The following KLHL2 variants were observed in gnomAD, a reference collection of about 807,000 sequenced individuals.
KLHL2 encodes kelch like family member 2, also known as kelch-like protein 2.
Under a neutral mutation model 75.8 loss-of-function variants are expected in KLHL2, and 15 were observed. The observed-to-expected ratio is 0.20, with a 90% CI of 0.13 to 0.30. The LOEUF is 0.30. Among genes scored for constraint, KLHL2 ranks in the 10% least tolerant of loss-of-function variants. The pLI is 1.00. For synonymous variants in KLHL2, 214 were observed against 251.9 expected, an observed-to-expected ratio of 0.85 and a Z score of 1.42; for missense variants, 381 against 741.0, an observed-to-expected ratio of 0.51 and a Z score of 5.64.
chr4:165,277,645 C>A (rs1579100907), intron 5 of KLHL2, among the ~76,000 whole-genome samples: 1 of 152,222 alleles, frequency 6.6e-6, no homozygotes, highest in Middle Eastern at 3.4e-3. Context: ...TGGTGAGGAT[C>A]TGAATTCTTC....
At chr4:165,276,255 C>A (rs1176500912) in intron 5 of KLHL2, among the ~76,000 whole-genome samples, 12 of 152,194 alleles carry the variant, frequency 7.9e-5, no homozygotes, top group African/African-American at 2.9e-4. Flanking sequence ...CTACTTTACC[C>A]AGGCCTGTTC....
intron 5 of KLHL2, chr4:165,278,521 G>T: frequency 1.2e-6 from 2 of 1,607,924 alleles, no homozygotes; most frequent in Non-Finnish European, 8.5e-7. Flanking sequence ...TCCCTCTTGC[G>T]CTGGGCTCCC....
intron 1 of KLHL2, 74 bp from the exon 2 acceptor site, chr4:165,219,860 G>A (rs1267887692): frequency 1.4e-6 from 2 of 1,423,830 alleles, no homozygotes; most frequent in East Asian, 2.4e-5. Flanking sequence ...TGTCTCTCTT[G>A]TAGCTTGATA....
intron 5 of KLHL2, among the ~76,000 whole-genome samples, chr4:165,267,446 G>T (rs1198252024): frequency 1.3e-5 from 2 of 152,022 alleles, no homozygotes; most frequent in Non-Finnish European, 2.9e-5. Flanking sequence ...TTGGCTGTGG[G>T]TTTGTCATAA....
chr4:165,230,053 T>C (rs1738759367), intron 3 of KLHL2, among the ~76,000 whole-genome samples: 1 of 152,248 alleles, frequency 6.6e-6, no homozygotes, highest in African/African-American at 2.4e-5. Context: ...AGCTGAGAGC[T>C]GAGGTTGATC....
At chr4:165,231,710 G>A (rs1425005225) in intron 3 of KLHL2, among the ~76,000 whole-genome samples, 5 of 152,108 alleles carry the variant, frequency 3.3e-5, no homozygotes, top group Non-Finnish European at 5.9e-5. Context: ...GAATAATACT[G>A]CTATGAATAT....
At chr4:165,303,493 T>TTCCCCC (rs1335606508) in intron 8 of KLHL2, among the ~76,000 whole-genome samples, 3 of 95,902 alleles carry the variant, frequency 3.1e-5, no homozygotes, top group African/African-American at 7.7e-5. Context: ...TTTACAACCT[T>TTCCCCC]GCCCCCCCCG....
intron 10 of KLHL2, among the ~76,000 whole-genome samples, chr4:165,311,079 A>C (rs192450329): frequency 1.3e-5 from 2 of 151,972 alleles, no homozygotes; most frequent in Non-Finnish European, 2.9e-5. Context: ...GGATGGTCTC[A>C]ATCTCCTGAC....
chr4:165,262,197 G>C (rs1741740483), intron 4 of KLHL2, among the ~76,000 whole-genome samples: 1 of 152,152 alleles, frequency 6.6e-6, no homozygotes, highest in Non-Finnish European at 1.5e-5. Context: ...CAATCCCACA[G>C]AATAACCTAT....
rs1363002880 is a variant in KLHL2 at position 165,264,718 on chromosome 4, ATACATATATATATATATATATG to A, written c.544+1362_544+1383del. On this transcript the variant is annotated intron_variant, in intron 5 of 14. Transcript: ENST00000226725. ...TGTGTGTGTGTGTATATATATATAT[ATACATATATATATATATATATG>A]TATATATATATATATATATATATAT... Among the ~76,000 whole-genome samples the A allele has an allele frequency of 9.4e-3, 748 of 79,676 alleles. 9 individuals carry two copies. The highest frequency in any genetic ancestry group is 0.015 in the South Asian group (33 of 2,202). 52.3% of individuals were successfully genotyped at this position (79,676 alleles called of 152,430 possible).
intron 3 of KLHL2, among the ~76,000 whole-genome samples, chr4:165,238,522 G>A (rs988738020): frequency 5.3e-5 from 8 of 152,202 alleles, no homozygotes; most frequent in Non-Finnish European, 8.8e-5. Flanking sequence ...AATAGTTCAT[G>A]CAGCTGGACA....
At chr4:165,291,756 G>C (rs548579034) in intron 5 of KLHL2, among the ~76,000 whole-genome samples, 1 of 151,992 alleles carries the variant, frequency 6.6e-6, no homozygotes, top group African/African-American at 2.4e-5. Context: ...AAATCCGTGG[G>C]TTCTCCAGTC....
At chr4:165,305,173 C>T (rs1183166761) in intron 8 of KLHL2, among the ~76,000 whole-genome samples, 2 of 151,828 alleles carry the variant, frequency 1.3e-5, no homozygotes, top group African/African-American at 2.4e-5. Context: ...ACTTACTGTC[C>T]GTTTCACTTC....
At chr4:165,266,674 T>C (rs1742266825) in intron 5 of KLHL2, among the ~76,000 whole-genome samples, 1 of 152,154 alleles carries the variant, frequency 6.6e-6, no homozygotes, top group Non-Finnish European at 1.5e-5. Context: ...GTTCCATTGG[T>C]CTATATCTCT....
At chr4:165,240,366 T>C (rs1378644272) in intron 4 of KLHL2, 1 of 152,208 alleles carries the variant, frequency 6.6e-6, no homozygotes, top group Admixed American at 6.5e-5. Context: ...TAAGACATGC[T>C]ATCGATTGTT....
At chr4:165,273,843 G>T (rs1742874876) in intron 5 of KLHL2, among the ~76,000 whole-genome samples, 8 of 152,196 alleles carry the variant, frequency 5.3e-5, no homozygotes, top group Admixed American at 4.6e-4. Context: ...GACATTTTAA[G>T]CAAATAGGAA....
chr4:165,263,370 T>C lies in KLHL2; in HGVS notation c.544+11T>C. The C allele has an allele frequency of 6.2e-7, 1 of 1,610,200 alleles. No individual in the cohort carries two copies. Among genetic ancestry groups the C allele is most frequent in the Non-Finnish European group, 8.5e-7 (1 of 1,177,028 alleles). On this transcript the variant is annotated intron_variant, in intron 5 of 14. Transcript: ENST00000226725. The stretch of plus-strand genomic sequence containing the variant: ...CCAACACCTATGCAGGCAAGTGGAG[T>C]AGACCTCAGCTGAATTTGGGAGGAA...
chr4:165,307,142 T>C (rs1745795718), intron 9 of KLHL2, among the ~76,000 whole-genome samples: 1 of 152,138 alleles, frequency 6.6e-6, no homozygotes, highest in African/African-American at 2.4e-5. Flanking sequence ...ACCCCTTCTC[T>C]ACTAAAAATA....
intron 5 of KLHL2, among the ~76,000 whole-genome samples, chr4:165,282,005 C>A (rs1201386470): frequency 6.6e-6 from 1 of 152,114 alleles, no homozygotes; most frequent in Non-Finnish European, 1.5e-5. Flanking sequence ...ACTAATGTCA[C>A]AAGCTATGAT....
Sources: gnomAD v4.1 joint callset for allele counts (sites outside exome capture counted in the v4.1 genomes callset) on GRCh38, gnomAD v4.1.1 for gene constraint, MANE v1.5 for transcripts, NCBI Gene and HGNC (gene_info 2026-07-23, HGNC 2026-07-21) for gene names.